The following PLCG2 variants were observed in gnomAD, a reference collection of about 807,000 sequenced individuals.
The protein encoded by PLCG2 is phospholipase C gamma 2, also known as 1-phosphatidylinositol 4,5-bisphosphate phosphodiesterase gamma-2.
In PLCG2, 69 loss-of-function variants were observed where a neutral mutation model predicts 175.6. That is an observed-to-expected ratio of 0.39 (90% CI 0.32 to 0.48). PLCG2 has a LOEUF of 0.48. Ranked by LOEUF, PLCG2 falls within the 20% of genes least tolerant of loss-of-function variation. The pLI, the probability that PLCG2 is intolerant of heterozygous loss-of-function variation, is 0.91. For missense variants in PLCG2, 1,798 were observed against 1,650.9 expected (o/e 1.09, Z -1.54); for synonymous variants, 827 against 624.0 (o/e 1.33, Z -4.85).
chr16:81,869,263 G>C lies in PLCG2; in HGVS notation c.529G>C (p.Val177Leu). ...CATCTTGCCCCTGATCAACTTTAAAGTGAGCAGTGCCAAGTTCCTTAAAGA... is the reference window on the plus strand; with the variant it reads ...CATCTTGCCCCTGATCAACTTTAAACTGAGCAGTGCCAAGTTCCTTAAAGA... ...KTILPLINFK[V>L]SSAKFLKDKF... The change falls in exon 6 of 33, where the codon GTG becomes CTG. Residue 177 changes from valine (V) to leucine (L), a missense_variant. Physicochemically the swap from Val to Leu is conservative, Grantham distance 32. Coordinates refer to ENST00000564138, the MANE Select transcript of PLCG2 (RefSeq NM_002661.5). The C allele has an allele frequency of 6.2e-6, 10 of 1,614,000 alleles. No homozygotes were observed. Among genetic ancestry groups the C allele is most frequent in the Non-Finnish European group, 7.6e-6 (9 of 1,179,850 alleles).
intron 8 of PLCG2, among the ~76,000 whole-genome samples, 184 bp downstream of exon 8, chr16:81,881,137 G>A (rs543037985): frequency 1.7e-4 from 26 of 152,382 alleles, no homozygotes; most frequent in Admixed American, 7.2e-4. Flanking sequence ...AGTAGCAACA[G>A]GAAGGTGTGG....
At chr16:81,904,717 A>G (rs1395940925) in intron 14 of PLCG2, among the ~76,000 whole-genome samples, 1 of 152,188 alleles carries the variant, frequency 6.6e-6, no homozygotes, top group African/African-American at 2.4e-5. Flanking sequence ...CTTCTAGCAC[A>G]GGAGACTCAA....
chr16:81,858,355 A>AGGTAGTG lies in PLCG2; in HGVS notation c.431+5_431+6insGGGTAGT, dbSNP rs1906789668. The AGGTAGTG allele has an allele frequency of 6.2e-7, 1 of 1,611,166 alleles. No homozygotes were observed. The highest frequency in any genetic ancestry group is 1.7e-5 in the Admixed American group (1 of 59,994). ...TGCGTCCACGCCCACCATTATCGAG[A>AGGTAGTG]GGTAGTTGGCTTTTGCCTGTTGATT... is the stretch of plus-strand genomic sequence containing the variant. On this transcript the variant is annotated stop_gained and frameshift_variant and splice_region_variant, in exon 4 of 33. Coordinates refer to ENST00000564138, the MANE Select transcript of PLCG2 (RefSeq NM_002661.5). LOFTEE classifies it high-confidence loss of function.
chr16:81,881,447 C>T (rs1474503626), intron 8 of PLCG2, among the ~76,000 whole-genome samples: 1 of 152,178 alleles, frequency 6.6e-6, no homozygotes, highest in Non-Finnish European at 1.5e-5. Flanking sequence ...TTCACTGTGC[C>T]TCATGATTTC....
intron 2 of PLCG2, among the ~76,000 whole-genome samples, chr16:81,832,002 C>A (rs1267240580): frequency 2.6e-5 from 4 of 152,202 alleles, no homozygotes; most frequent in Non-Finnish European, 5.9e-5. Flanking sequence ...TGCTGTCTTG[C>A]TGGAGCCAGT....
chr16:81,776,747 G>A (rs572348946), upstream of PLCG2, among the ~76,000 whole-genome samples: 1 of 152,118 alleles, frequency 6.6e-6, no homozygotes, highest in Admixed American at 6.5e-5. Flanking sequence ...TAGAGAGGGT[G>A]TTTTACCATG....
chr16:81,747,963 G>A (rs147878037), intron 1 of PLCG2, among the ~76,000 whole-genome samples: 16 of 151,902 alleles, frequency 1.1e-4, no homozygotes, highest in South Asian at 4.1e-4. Context: ...CAACCTCTGC[G>A]TCCCAGGTTC....
Position 81,891,484 on chromosome 16 carries a change from C to T in PLCG2, c.880C>T (p.Leu294=). Residue 294 remains leucine, a synonymous_variant, in exon 11 of 33, where the codon CTG becomes TTG. Transcript: ENST00000564138. ...TTGACTCTTTTAGTTCCTCACGTAC[C>T]TGTTTTCACGAGAAAACAGCATCTG... The part of the protein sequence containing the change: ...FLFVDEFLTY[L]FSRENSIWDE... 2 of 1,587,574 alleles carry T rather than the reference C, an allele frequency of 1.3e-6. No homozygotes were observed. Among genetic ancestry groups the T allele is most frequent in the Non-Finnish European group, 1.7e-6 (2 of 1,155,714 alleles).
chr16:81,938,718 A>G (rs1278822325), intron 28 of PLCG2, 83 bp from the exon 29 acceptor site: 6 of 756,544 alleles, frequency 7.9e-6, no homozygotes, highest in African/African-American at 3.5e-5. Flanking sequence ...ATCCAGTGTC[A>G]CTCTAGAACC....
intron 13 of PLCG2, among the ~76,000 whole-genome samples, chr16:81,897,588 C>G (rs1435254898): frequency 2.0e-5 from 3 of 149,176 alleles, no homozygotes; most frequent in African/African-American, 7.5e-5. Flanking sequence ...CTCTGTCGCC[C>G]AGGCTAGAGT....
intron 2 of PLCG2, among the ~76,000 whole-genome samples, chr16:81,843,427 A>G (rs905327530): frequency 1.3e-5 from 2 of 152,214 alleles, no homozygotes; most frequent in African/African-American, 4.8e-5. Context: ...ACATTTTTGG[A>G]TTGCAATATA....
At chr16:81,846,126 C>A (rs918494542) in intron 2 of PLCG2, among the ~76,000 whole-genome samples, 2 of 152,194 alleles carry the variant, frequency 1.3e-5, no homozygotes, top group Admixed American at 6.5e-5. Context: ...TGTCGTGGCT[C>A]ACAGGTGCCC....
intron 31 of PLCG2, among the ~76,000 whole-genome samples, chr16:81,954,616 G>A (rs750973967): frequency 9.9e-5 from 15 of 152,178 alleles, no homozygotes; most frequent in Non-Finnish European, 1.8e-4. Context: ...TTAGTTTGCT[G>A]GCTGAGGATG....
chr16:81,794,568 C>A (rs1433120925), intron 2 of PLCG2, among the ~76,000 whole-genome samples: 3 of 152,054 alleles, frequency 2.0e-5, no homozygotes, highest in Admixed American at 2.0e-4. Context: ...AGGGGTGTGA[C>A]CTTGGGTCTC....
At chr16:81,871,420 C>A (rs1256102068) in intron 7 of PLCG2, among the ~76,000 whole-genome samples, 1 of 152,138 alleles carries the variant, frequency 6.6e-6, no homozygotes. Flanking sequence ...TTCACTGCAA[C>A]CTTTGCCTCC....
chr16:81,878,954 A>G (rs563400317), intron 7 of PLCG2, among the ~76,000 whole-genome samples: 107 of 152,178 alleles, frequency 7.0e-4, no homozygotes, highest in African/African-American at 2.5e-3. Flanking sequence ...CGGTTGCTTC[A>G]ACAAGCAGAG....
chr16:81,820,597 C>T (rs1160539374), intron 2 of PLCG2, among the ~76,000 whole-genome samples: 1 of 147,972 alleles, frequency 6.8e-6, no homozygotes, highest in Non-Finnish European at 1.5e-5. Context: ...TCAGTTTTCC[C>T]CTCTGTATAA....
chr16:81,829,186 G>A (rs1019872846), intron 2 of PLCG2, among the ~76,000 whole-genome samples: 28 of 152,270 alleles, frequency 1.8e-4, no homozygotes, highest in African/African-American at 6.3e-4. Context: ...TCGGCTCACT[G>A]CAACCTCTGT....
chr16:81,893,341 TG>T (rs1320110749), intron 11 of PLCG2, among the ~76,000 whole-genome samples: 2 of 152,246 alleles, frequency 1.3e-5, no homozygotes, highest in Non-Finnish European at 2.9e-5. Flanking sequence ...TGCCCATCTT[TG>T]TTTAGACCGA....
Sources: allele counts gnomAD v4.1 joint callset (sites outside exome capture counted in the v4.1 genomes callset), GRCh38; gene constraint gnomAD v4.1.1; transcripts MANE v1.5; gene names NCBI Gene and HGNC (gene_info 2026-07-23, HGNC 2026-07-21).